The following SNTG1 variants were observed in gnomAD, a reference collection of about 807,000 sequenced individuals.
SNTG1 encodes the protein syntrophin gamma 1, also known as gamma-1-syntrophin.
In SNTG1, 39 loss-of-function variants were observed where a neutral mutation model predicts 74.7. That is an observed-to-expected ratio of 0.52 (90% CI 0.40 to 0.68). The LOEUF is 0.68. Among genes scored for constraint, SNTG1 ranks in the 30% least tolerant of loss-of-function variants. The probability of loss-of-function intolerance (pLI) is 0.00; values close to 1 mark genes in which losing one functional copy is unlikely to be tolerated. For missense variants in SNTG1, 685 were observed against 609.5 expected (o/e 1.12, Z -1.30); for synonymous variants, 254 against 217.1 (o/e 1.17, Z -1.49).
chr8:50,745,632 G>T (rs1417569742), intron 17 of SNTG1, among the ~76,000 whole-genome samples: 1 of 151,988 alleles, frequency 6.6e-6, no homozygotes, highest in Non-Finnish European at 1.5e-5. Context: ...ATGACTCACA[G>T]TTGACAAATG....
At chr8:50,301,703 A>T (rs1563866600) in intron 2 of SNTG1, among the ~76,000 whole-genome samples, 2 of 151,898 alleles carry the variant, frequency 1.3e-5, no homozygotes, top group African/African-American at 4.8e-5. Context: ...ATCCCCTGGG[A>T]TTGCCATTTT....
At chr8:50,320,094 G>A (rs35845670) in intron 2 of SNTG1, among the ~76,000 whole-genome samples, 72,033 of 152,022 alleles carry the variant, frequency 0.47, 19,475 homozygotes, top group East Asian at 0.83. Flanking sequence ...GGTGTTAGTC[G>A]TTCTTTCAAT....
At chr8:50,536,951 C>T in intron 11 of SNTG1, 143 bp downstream of exon 11, 1 of 1,041,614 alleles carries the variant, frequency 9.6e-7, no homozygotes, top group Non-Finnish European at 1.3e-6. Flanking sequence ...AATAATCTAA[C>T]AAAGTTAAAC....
intron 2 of SNTG1, among the ~76,000 whole-genome samples, chr8:50,257,528 A>C (rs958043917): frequency 6.6e-6 from 1 of 152,170 alleles, no homozygotes; most frequent in Non-Finnish European, 1.5e-5. Flanking sequence ...AAAACAATGT[A>C]GATTTGGTTG....
intron 8 of SNTG1, among the ~76,000 whole-genome samples, chr8:50,499,272 G>A (rs760543383): frequency 6.6e-6 from 1 of 151,714 alleles, no homozygotes; most frequent in African/African-American, 2.4e-5. Context: ...ACTTTTGTTA[G>A]ATTGATACAT....
chr8:50,294,558 C>T (rs1456758123), intron 2 of SNTG1, among the ~76,000 whole-genome samples: 1 of 152,094 alleles, frequency 6.6e-6, no homozygotes, highest in Non-Finnish European at 1.5e-5. Flanking sequence ...TGGCAGAATT[C>T]CTATTTATGA....
At chr8:50,373,832 C>A (rs2092321210) in intron 2 of SNTG1, among the ~76,000 whole-genome samples, 1 of 151,322 alleles carries the variant, frequency 6.6e-6, no homozygotes, top group African/African-American at 2.5e-5. Context: ...TGACTCCACA[C>A]CTGTTCGCAT....
intron 15 of SNTG1, among the ~76,000 whole-genome samples, chr8:50,669,738 A>G (rs544720387): frequency 5.8e-4 from 88 of 152,296 alleles, no homozygotes; most frequent in African/African-American, 2.0e-3. Flanking sequence ...GACACAACCA[A>G]AAAAGAGAAT....
At chr8:50,214,718 T>C (rs1311482382) in intron 2 of SNTG1, among the ~76,000 whole-genome samples, 1 of 152,128 alleles carries the variant, frequency 6.6e-6, no homozygotes, top group Non-Finnish European at 1.5e-5. Flanking sequence ...AACAGTGTTA[T>C]TTGGGATCTG....
intron 2 of SNTG1, among the ~76,000 whole-genome samples, chr8:50,204,658 G>A (rs1243031308): frequency 4.6e-5 from 7 of 151,988 alleles, no homozygotes; most frequent in African/African-American, 1.7e-4. Flanking sequence ...CCATATTGGT[G>A]TGCTGCACCT....
intron 2 of SNTG1, among the ~76,000 whole-genome samples, chr8:50,241,122 G>C (rs531414120): frequency 1.3e-5 from 2 of 152,306 alleles, no homozygotes; most frequent in Non-Finnish European, 2.9e-5. Flanking sequence ...AAGGCTAGTG[G>C]TAGAGTAAAA....
At chr8:50,345,436 C>G (rs1327960893) in intron 2 of SNTG1, among the ~76,000 whole-genome samples, 1 of 152,138 alleles carries the variant, frequency 6.6e-6, no homozygotes, top group African/African-American at 2.4e-5. Flanking sequence ...CTACTCTGCC[C>G]TCTTGAATCT....
chr8:50,548,712 A>G (rs996523), intron 11 of SNTG1, among the ~76,000 whole-genome samples: 21,129 of 152,114 alleles, frequency 0.14, 1,593 homozygotes, highest in African/African-American at 0.18. Flanking sequence ...CAGGAAGTCG[A>G]GGGGCACTAA....
At position 50,410,398 on chromosome 8, in the gene SNTG1, A is replaced by T. The variant is rs187158095; in HGVS notation, c.162+8054A>T. Reference sequence around the variant, plus strand: ...CGTTGTCTATATTTTTTAAACTTTTAAAAAAAACTCTTGTATGCCAATGTT... The same window carrying T: ...CGTTGTCTATATTTTTTAAACTTTTTAAAAAAACTCTTGTATGCCAATGTT... On this transcript the variant is annotated intron_variant, in intron 4 of 18. Coordinates refer to ENST00000642720, the MANE Select transcript of SNTG1 (RefSeq NM_018967.5). 4.4e-3 allele frequency among the ~76,000 whole-genome samples: 668 copies of T among 152,188 alleles called. 7 individuals carry two copies. The highest frequency in any genetic ancestry group is 0.012 in the African/African-American group (488 of 41,518).
intron 1 of SNTG1, among the ~76,000 whole-genome samples, chr8:50,058,187 C>T (rs1820186130): frequency 6.6e-6 from 1 of 152,078 alleles, no homozygotes; most frequent in Admixed American, 6.6e-5. Flanking sequence ...CCACCAGAGG[C>T]ACTTGTACCA....
intron 12 of SNTG1, among the ~76,000 whole-genome samples, chr8:50,558,127 G>A (rs2094466974): frequency 6.6e-6 from 1 of 152,176 alleles, no homozygotes; most frequent in South Asian, 2.1e-4. Flanking sequence ...GAGAAAAGGA[G>A]AGAAGAGTGG....
At chr8:50,525,278 A>AT (rs767455648) in intron 9 of SNTG1, among the ~76,000 whole-genome samples, 8 of 152,082 alleles carry the variant, frequency 5.3e-5, no homozygotes, top group African/African-American at 1.2e-4. Flanking sequence ...GCAAAATTGC[A>AT]TTTTTTTCTT....
At position 50,010,919 on chromosome 8, in the gene SNTG1, C is replaced by T. The variant is rs559407537; in HGVS notation, c.-103+98688C>T. 2.1e-4 allele frequency among the ~76,000 whole-genome samples: 32 copies of T among 150,188 alleles called. No individual in the cohort carries two copies. The East Asian group carries it at 6.4e-3, about 30-fold the overall frequency. ...TTCTCTATATTTTACGTCTTCATAT[C>T]ATCACACCATTGCTCATTCATTTTA... is the stretch of plus-strand genomic sequence containing the variant. On this transcript the variant is annotated intron_variant, in intron 1 of 18. Transcript: ENST00000642720.
At chr8:50,488,546 C>T (rs527857747) in intron 8 of SNTG1, among the ~76,000 whole-genome samples, 1 of 152,262 alleles carries the variant, frequency 6.6e-6, no homozygotes, top group South Asian at 2.1e-4. Context: ...CTGCCATTTT[C>T]CTTGCCTATG....
Sources: gnomAD v4.1 joint callset for allele counts (sites outside exome capture counted in the v4.1 genomes callset) on GRCh38, gnomAD v4.1.1 for gene constraint, MANE v1.5 for transcripts, NCBI Gene and HGNC (gene_info 2026-07-23, HGNC 2026-07-21) for gene names.